APOO: variants seen among roughly 807,000 people sequenced by gnomAD.
APOO encodes the protein apolipoprotein O.
A neutral mutation model predicts 23.1 loss-of-function variants in APOO; 11 were observed. The ratio of observed to expected loss-of-function variants is 0.48; its 90% CI spans 0.30 to 0.79. The LOEUF is 0.79. Ranked by LOEUF, APOO falls within the 30% of genes least tolerant of loss-of-function variation. The probability of loss-of-function intolerance (pLI) is 0.07; values close to 1 mark genes in which losing one functional copy is unlikely to be tolerated. For missense variants in APOO, 160 were observed against 142.7 expected (o/e 1.12, Z -0.62); for synonymous variants, 59 against 54.8 (o/e 1.08, Z -0.34).
chrX:23,889,815 C>CG (rs1926560228), intron 1 of APOO, among the ~76,000 whole-genome samples: 1 of 109,699 alleles, frequency 9.1e-6, no homozygotes, highest in Admixed American at 9.8e-5. Context: ...GCACCAGCCA[C>CG]CACGCCTGGC....
intron 1 of APOO, among the ~76,000 whole-genome samples, chrX:23,892,935 C>CAAAAAAAAAAAAA (rs202223071): frequency 1.3e-5 from 1 of 77,571 alleles, no homozygotes; most frequent in African/African-American, 4.8e-5. Flanking sequence ...GGGTTTTTTA[C>CAAAAAAAAAAAAA]AAAAAAAAAA....
chrX:23,876,764 A>G (rs1182473377), intron 3 of APOO, among the ~76,000 whole-genome samples: 2 of 111,995 alleles, frequency 1.8e-5, no homozygotes, highest in Non-Finnish European at 3.8e-5. Context: ...GCACCACTGC[A>G]CTCCAGCCTG....
chrX:23,862,462 A>G (rs951849597), intron 5 of APOO, among the ~76,000 whole-genome samples: 1 of 110,623 alleles, frequency 9.0e-6, no homozygotes, highest in Non-Finnish European at 1.9e-5. Flanking sequence ...AGGAAAAAGA[A>G]TGAGAGTAAA....
chrX:23,885,647 TCTTA>T (rs375289512), intron 1 of APOO, among the ~76,000 whole-genome samples: 24 of 110,306 alleles, frequency 2.2e-4, no homozygotes, highest in African/African-American at 6.3e-4. Context: ...TCCCCTCTTA[TCTTA>T]CTTGTTTTTC....
intron 1 of APOO, among the ~76,000 whole-genome samples, chrX:23,891,181 C>A (rs1255157399): frequency 9.0e-6 from 1 of 111,085 alleles, no homozygotes; most frequent in Non-Finnish European, 1.9e-5. Flanking sequence ...TAGTCTTTAA[C>A]TCTCTCCTCT....
intron 1 of APOO, among the ~76,000 whole-genome samples, chrX:23,890,680 G>C (rs1294971661): frequency 8.9e-6 from 1 of 112,007 alleles, no homozygotes; most frequent in African/African-American, 3.2e-5. Context: ...AATAGGCTTT[G>C]TGTTAGATGA....
chrX:23,862,616 A>ACC (rs1316159368), intron 5 of APOO, among the ~76,000 whole-genome samples: 1 of 104,397 alleles, frequency 9.6e-6, no homozygotes, highest in Non-Finnish European at 2.0e-5. Flanking sequence ...TCTCCACAAA[A>ACC]AAAAAAATTA....
intron 8 of APOO, among the ~76,000 whole-genome samples, chrX:23,838,357 C>CAAAAA (rs764414297): frequency 0.012 from 235 of 19,998 alleles, 10 homozygotes; most frequent in African/African-American, 0.054. Flanking sequence ...AACTCTATCT[C>CAAAAA]AAAAAAAAAA....
At chrX:23,876,842 C>G (rs1240791879) in intron 3 of APOO, among the ~76,000 whole-genome samples, 3 of 112,057 alleles carry the variant, frequency 2.7e-5, no homozygotes, top group Admixed American at 9.5e-5. Context: ...TAAATTGGTT[C>G]TTCAAGAAAA....
At chrX:23,881,353 G>T (rs1277097083) in intron 1 of APOO, among the ~76,000 whole-genome samples, 1 of 108,722 alleles carries the variant, frequency 9.2e-6, no homozygotes, top group Non-Finnish European at 1.9e-5. Context: ...GAGATTACAG[G>T]TGTGAGCCAG....
intron 7 of APOO, among the ~76,000 whole-genome samples, chrX:23,852,336 A>C (rs990281566): frequency 3.1e-4 from 34 of 109,736 alleles, no homozygotes; most frequent in African/African-American, 1.1e-3. Flanking sequence ...CGGTGGCTCA[A>C]GCCTGTAATC....
At chrX:23,880,498 G>C (rs1926063545) in intron 2 of APOO, among the ~76,000 whole-genome samples, 1 of 110,926 alleles carries the variant, frequency 9.0e-6, no homozygotes, top group Admixed American at 9.7e-5. Flanking sequence ...TCGGGAGTTC[G>C]AGACTAGCCT....
intron 4 of APOO, among the ~76,000 whole-genome samples, chrX:23,870,828 C>T (rs914670388): frequency 1.8e-5 from 2 of 110,526 alleles, no homozygotes; most frequent in African/African-American, 6.6e-5. Context: ...CAGTGGTTCA[C>T]GCCTGTAATC....
intron 1 of APOO, 85 bp downstream of exon 1, chrX:23,907,609 G>A (rs1208968361): frequency 4.9e-6 from 5 of 1,012,219 alleles, no homozygotes; most frequent in East Asian, 3.7e-5. Flanking sequence ...AGGCCTGGCT[G>A]CAGAGAGGCC....
At chrX:23,866,005 C>T (rs959306725) in intron 5 of APOO, among the ~76,000 whole-genome samples, 2 of 111,440 alleles carry the variant, frequency 1.8e-5, no homozygotes, top group Non-Finnish European at 3.8e-5. Flanking sequence ...CAGGAGAGCA[C>T]CATCTCCAAT....
In APOO at chrX:23,904,562, A is replaced by G. The variant is rs1438966836; in HGVS notation, c.9+3132T>C. ...CTCGCTGTCTCCCAGGCTGGAGTTC[A>G]GTGGTGCGATCTCAGCTCACTGCAA... is the stretch of plus-strand genomic sequence containing the variant. On this transcript the variant is annotated intron_variant, in intron 1 of 8. Coordinates refer to ENST00000379226, the MANE Select transcript of APOO (RefSeq NM_024122.5). Among the ~76,000 whole-genome samples, 3 of 91,754 alleles carry G rather than the reference A, an allele frequency of 3.3e-5. No individual in the cohort carries two copies. The East Asian group carries it at 1.0e-3, about 32-fold the overall frequency. The allele number at this position is 91,754 out of a possible 115,157, so 79.7% of individuals were successfully genotyped here.
intron 7 of APOO, among the ~76,000 whole-genome samples, chrX:23,845,350 C>T (rs934398765): frequency 1.1e-4 from 12 of 112,020 alleles, no homozygotes; most frequent in African/African-American, 3.6e-4. Context: ...AAAAAAAATA[C>T]AGTGGTAAGA....
intron 5 of APOO, among the ~76,000 whole-genome samples, chrX:23,859,357 A>G (rs1372684350): frequency 9.0e-6 from 1 of 111,515 alleles, no homozygotes; most frequent in Non-Finnish European, 1.9e-5. Context: ...ACCCATTAGC[A>G]GTCATTCCTC....
At chrX:23,865,934 A>G (rs757153452) in intron 5 of APOO, among the ~76,000 whole-genome samples, 3 of 111,835 alleles carry the variant, frequency 2.7e-5, no homozygotes, top group African/African-American at 9.7e-5. Flanking sequence ...GACAGAACGA[A>G]CAAACAAAAT....
Sources: allele counts gnomAD v4.1 joint callset (sites outside exome capture counted in the v4.1 genomes callset), GRCh38; gene constraint gnomAD v4.1.1; transcripts MANE v1.5; gene names NCBI Gene and HGNC (gene_info 2026-07-23, HGNC 2026-07-21).